Variants in NYAP2 observed in about 807,000 individuals in gnomAD.
NYAP2 encodes neuronal tyrosine-phosphorylated phosphoinositide-3-kinase adapter 2.
A neutral mutation model predicts 50.4 loss-of-function variants in NYAP2; 23 were observed. That is an observed-to-expected ratio of 0.46 (90% CI 0.33 to 0.65). The LOEUF (loss-of-function observed/expected upper bound fraction) is 0.65, where lower values mean the gene tolerates loss of function less well. Ranked by LOEUF, NYAP2 falls within the 30% of genes least tolerant of loss-of-function variation. NYAP2 has a pLI of 0.02. For missense variants in NYAP2, 885 were observed against 861.0 expected (o/e 1.03, Z -0.35); for synonymous variants, 394 against 365.2 (o/e 1.08, Z -0.90).
intron 4 of NYAP2, among the ~76,000 whole-genome samples, chr2:225,524,865 T>C (rs1235238269): frequency 6.6e-6 from 1 of 152,102 alleles, no homozygotes; most frequent in Admixed American, 6.6e-5. Flanking sequence ...ATCCAGAATC[T>C]ATAAGAAACT....
chr2:225,612,548 C>T (rs200755051), intron 5 of NYAP2, among the ~76,000 whole-genome samples: 1 of 152,156 alleles, frequency 6.6e-6, no homozygotes, highest in East Asian at 1.9e-4. Flanking sequence ...GTGGTTTAAA[C>T]AACAGACATT....
At chr2:225,476,000 G>C (rs1019242465) in intron 3 of NYAP2, among the ~76,000 whole-genome samples, 1 of 152,112 alleles carries the variant, frequency 6.6e-6, no homozygotes, top group Non-Finnish European at 1.5e-5. Flanking sequence ...CCTATTTAAT[G>C]GAATAATTTA....
intron 3 of NYAP2, among the ~76,000 whole-genome samples, chr2:225,418,183 T>C (rs1695154815): frequency 6.6e-6 from 1 of 151,936 alleles, no homozygotes; most frequent in African/African-American, 2.4e-5. Context: ...AGAAGAAATG[T>C]GGAGAGAAAA....
At chr2:225,667,749 A>C in the NYAP2 span, among the ~76,000 whole-genome samples, 1 of 152,236 alleles carries the variant, frequency 6.6e-6, no homozygotes, top group Non-Finnish European at 1.5e-5. Flanking sequence ...TAGAATACCT[A>C]AGAGCAATCA....
At chr2:225,429,016 T>C (rs551047533) in intron 3 of NYAP2, among the ~76,000 whole-genome samples, 3 of 152,314 alleles carry the variant, frequency 2.0e-5, no homozygotes, top group African/African-American at 7.2e-5. Context: ...GCAGGTTCTA[T>C]CATTTGTTTT....
the NYAP2 span, among the ~76,000 whole-genome samples, chr2:225,665,834 A>AAAAAC: frequency 2.1e-5 from 3 of 145,514 alleles, no homozygotes; most frequent in Non-Finnish European, 4.5e-5. Flanking sequence ...AAAAAAAAAA[A>AAAAAC]AAAGCCCACC....
At chr2:225,421,357 G>A (rs1199851011) in intron 3 of NYAP2, among the ~76,000 whole-genome samples, 1 of 152,112 alleles carries the variant, frequency 6.6e-6, no homozygotes. Context: ...CATTTGTCAA[G>A]CAAATTTTTT....
intron 3 of NYAP2, among the ~76,000 whole-genome samples, chr2:225,432,909 G>A (rs138114973): frequency 6.6e-6 from 1 of 152,176 alleles, no homozygotes; most frequent in East Asian, 1.9e-4. Flanking sequence ...GGAAGGGGAG[G>A]CAGGTTCCTT....
intron 3 of NYAP2, among the ~76,000 whole-genome samples, chr2:225,422,095 T>G (rs1472500677): frequency 6.6e-6 from 1 of 152,218 alleles, no homozygotes; most frequent in Non-Finnish European, 1.5e-5. Context: ...TTTGTGTTTG[T>G]TCTGTTCAGT....
intron 3 of NYAP2, among the ~76,000 whole-genome samples, chr2:225,474,367 G>A (rs2106161054): frequency 6.6e-6 from 1 of 152,282 alleles, no homozygotes; most frequent in Admixed American, 6.5e-5. Context: ...GTAGCTTGAT[G>A]GGAATGGCAT....
At chr2:225,675,126 C>A in the NYAP2 span, among the ~76,000 whole-genome samples, 14 of 151,888 alleles carry the variant, frequency 9.2e-5, no homozygotes, top group African/African-American at 2.9e-4. Context: ...AAAGAATTTC[C>A]ATCGAACTTT....
intron 4 of NYAP2, among the ~76,000 whole-genome samples, chr2:225,564,283 G>GA (rs111656670): frequency 0.089 from 13,430 of 150,764 alleles, 588 homozygotes; most frequent in African/African-American, 0.099. Flanking sequence ...CAAATAATGT[G>GA]AAAAAAAAGA....
At chr2:225,504,470 A>G (rs1690667446) in intron 3 of NYAP2, among the ~76,000 whole-genome samples, 1 of 152,192 alleles carries the variant, frequency 6.6e-6, no homozygotes, top group Non-Finnish European at 1.5e-5. Flanking sequence ...TAGCACCTGT[A>G]CTTATATCAG....
chr2:225,591,413 A>G (rs1042157976), intron 5 of NYAP2, among the ~76,000 whole-genome samples: 1 of 152,180 alleles, frequency 6.6e-6, no homozygotes. Flanking sequence ...TCTCAGGAAC[A>G]ATAGCAAGAC....
At chr2:225,625,770 A>T (rs1476457649) in intron 5 of NYAP2, among the ~76,000 whole-genome samples, 1 of 152,194 alleles carries the variant, frequency 6.6e-6, no homozygotes, top group African/African-American at 2.4e-5. Context: ...TAGACATTCT[A>T]TGGGCAACAG....
chr2:225,661,857 G>T, the NYAP2 span, among the ~76,000 whole-genome samples: 1 of 151,780 alleles, frequency 6.6e-6, no homozygotes, highest in Non-Finnish European at 1.5e-5. Flanking sequence ...CCAAGTAGTT[G>T]GGATTACAGA....
At chr2:225,687,166 C>T in the NYAP2 span, among the ~76,000 whole-genome samples, 15 of 152,046 alleles carry the variant, frequency 9.9e-5, no homozygotes, top group African/African-American at 3.1e-4. Context: ...TGATGCTATA[C>T]GTGTAACTTA....
At chr2:225,670,678 A>G in the NYAP2 span, among the ~76,000 whole-genome samples, 1 of 151,700 alleles carries the variant, frequency 6.6e-6, no homozygotes, top group Non-Finnish European at 1.5e-5. Context: ...TCAAGCAGTA[A>G]TTCATTGTTT....
the NYAP2 span, among the ~76,000 whole-genome samples, chr2:225,695,828 T>C: frequency 2.6e-5 from 4 of 151,934 alleles, no homozygotes; most frequent in Admixed American, 6.6e-5. Flanking sequence ...AAAATTTTAT[T>C]TAAAAAGTGA....
Sources: allele counts gnomAD v4.1 joint callset (sites outside exome capture counted in the v4.1 genomes callset), GRCh38; gene constraint gnomAD v4.1.1; transcripts MANE v1.5; gene names NCBI Gene and HGNC (gene_info 2026-07-23, HGNC 2026-07-21).